MGAT5B: variants seen among roughly 807,000 people sequenced by gnomAD.
MGAT5B encodes N-acetylglucosaminyl-transferase Vb.
Under a neutral mutation model 95.1 loss-of-function variants are expected in MGAT5B, and 54 were observed. That is an observed-to-expected ratio of 0.57 (90% CI 0.46 to 0.71). The LOEUF is 0.71. Ranked by LOEUF, MGAT5B falls within the 30% of genes least tolerant of loss-of-function variation. The probability of loss-of-function intolerance (pLI) is 0.00; values close to 1 mark genes in which losing one functional copy is unlikely to be tolerated. For synonymous variants in MGAT5B, 464 were observed against 451.0 expected (o/e 1.03, Z -0.36); for missense variants, 935 against 1,088.6 (o/e 0.86, Z 1.99).
At chr17:76,903,555 G>A (rs895266100) in intron 5 of MGAT5B, among the ~76,000 whole-genome samples, 179 bp downstream of exon 5, 1 of 152,170 alleles carries the variant, frequency 6.6e-6, no homozygotes, top group Admixed American at 6.5e-5. Flanking sequence ...TCAGGTGTCG[G>A]TGCTTTCTCA....
At chr17:76,932,848 T>G in intron 11 of MGAT5B, 73 bp downstream of exon 11, 1 of 1,569,476 alleles carries the variant, frequency 6.4e-7, no homozygotes, top group Non-Finnish European at 8.6e-7. Context: ...CCGCATCTCC[T>G]CCTTCCAGGA....
rs1206998437 is a variant in MGAT5B at position 76,912,934 on chromosome 17, A to G, written c.1025+6747A>G. 6.6e-6 allele frequency among the ~76,000 whole-genome samples: 1 copy of G among 152,206 alleles called. No individual in the cohort carries two copies. Among genetic ancestry groups the G allele is most frequent in the Non-Finnish European group, 1.5e-5 (1 of 68,036 alleles). On this transcript the variant is annotated intron_variant, in intron 8 of 17. Coordinates refer to ENST00000569840, the MANE Select transcript of MGAT5B (RefSeq NM_001199172.2). This position sits in a 1 kb window ranked among gnomAD's most constrained non-coding sequence, Gnocchi z 5.0. ...GCCTTTCCCTTCCTGCTTTCCTAGC[A>G]TCAGCTGTGCTCATCAATTTTATTT...
chr17:76,932,560 C>A, intron 10 of MGAT5B, 85 bp from the exon 11 acceptor site: 1 of 1,567,196 alleles, frequency 6.4e-7, no homozygotes, highest in Non-Finnish European at 8.7e-7. Flanking sequence ...CAAAAGAGGA[C>A]CTCTTGGGCG....
intron 3 of MGAT5B, among the ~76,000 whole-genome samples, chr17:76,892,916 C>T (rs679148): frequency 0.47 from 71,328 of 151,988 alleles, 21,409 homozygotes; most frequent in African/African-American, 0.82. Flanking sequence ...GCACAGACTC[C>T]TGGGGGTGGC....
rs1252126866 is a variant in MGAT5B at position 76,915,808 on chromosome 17, C to T, written c.1026-9158C>T. ...CCTCTCCTGTCTCCTTTTTCCTTCC[C>T]CTTCCTTCAGTTTCAAGGAGGCATT... On this transcript the variant is annotated intron_variant, in intron 8 of 17. Transcript: ENST00000569840. This position sits in a 1 kb window ranked among gnomAD's most constrained non-coding sequence, Gnocchi z 8.7. 2.0e-5 allele frequency among the ~76,000 whole-genome samples: 3 copies of T among 152,170 alleles called. No individual in the cohort carries two copies. The highest frequency in any genetic ancestry group is 7.2e-5 in the African/African-American group (3 of 41,436).
intron 3 of MGAT5B, among the ~76,000 whole-genome samples, chr17:76,886,006 C>T (rs140359484): frequency 7.9e-5 from 12 of 152,336 alleles, no homozygotes; most frequent in South Asian, 2.1e-4. Flanking sequence ...TCTGGGCTGC[C>T]GCCTTCCACT....
At position 76,902,538 on chromosome 17, in the gene MGAT5B, T is replaced by C; in HGVS notation, c.330-17T>C. 6.4e-7 allele frequency: 1 copy of C among 1,560,150 alleles called. No individual in the cohort carries two copies. Among genetic ancestry groups the C allele is most frequent in the Non-Finnish European group, 8.7e-7 (1 of 1,149,088 alleles). On this transcript the variant is annotated splice_polypyrimidine_tract_variant and intron_variant, in intron 3 of 17. Transcript: ENST00000569840. ...CCCGGCCGGTTCTGTGGCTCACCTC[T>C]GGCTTTTCCCACTTAGGATGCCCCC...
rs1491549107 is a variant in MGAT5B at position 76,887,560 on chromosome 17, T to TTTTC, written c.329+5265_329+5266insCTTT. Among the ~76,000 whole-genome samples the TTTTC allele has an allele frequency of 2.4e-4, 11 of 46,796 alleles. No individual in the cohort carries two copies. The East Asian group carries it at 7.6e-3, about 32-fold the overall frequency. The allele number at this position is 46,796 out of a possible 152,430, so 30.7% of individuals were successfully genotyped here. ...CTTCCTTCCTTTCTTTTTTCTTTTC[T>TTTTC]TTTTTTTTTTTTTAACAGAATCTTG... On this transcript the variant is annotated intron_variant, in intron 3 of 17. Transcript: ENST00000569840.
At chr17:76,875,130 T>C (rs765735827) in intron 2 of MGAT5B, among the ~76,000 whole-genome samples, 191 of 152,368 alleles carry the variant, frequency 1.3e-3, no homozygotes, top group Non-Finnish European at 2.2e-3. Context: ...ACTTGACTTC[T>C]GATCACATAG....
intron 3 of MGAT5B, among the ~76,000 whole-genome samples, chr17:76,894,305 G>A (rs1475083195): frequency 6.6e-6 from 1 of 152,202 alleles, no homozygotes; most frequent in Non-Finnish European, 1.5e-5. Flanking sequence ...GTGATCCTGA[G>A]CAAGTCACTC....
Position 76,915,433 on chromosome 17 carries a change from G to A in MGAT5B, c.1025+9246G>A, listed in dbSNP as rs908918818. ...GAGCATTTCCCACAAGCCAGGTGGAGGCAGCGGGAGACGCGAGGAAGTGGA... is the reference window on the plus strand; with the variant it reads ...GAGCATTTCCCACAAGCCAGGTGGAAGCAGCGGGAGACGCGAGGAAGTGGA... On this transcript the variant is annotated intron_variant, in intron 8 of 17. Transcript: ENST00000569840. The surrounding 1 kb of genome is among the most constrained non-coding windows in gnomAD (Gnocchi z 8.7). Among the ~76,000 whole-genome samples the A allele has an allele frequency of 3.3e-5, 5 of 152,152 alleles. No homozygotes were observed. The highest frequency in any genetic ancestry group is 7.3e-5 in the Non-Finnish European group (5 of 68,036).
Position 76,903,392 on chromosome 17 carries a change from G to C in MGAT5B, c.519+16G>C. The C allele has an allele frequency of 6.2e-7, 1 of 1,602,340 alleles. No individual in the cohort carries two copies. ...GAAGGTGGAGGTGAGGCCTGGGGCT[G>C]AGGGGTGGGGATGTCTACAGCTAGG... On this transcript the variant is annotated intron_variant, in intron 5 of 17. Coordinates refer to ENST00000569840, the MANE Select transcript of MGAT5B (RefSeq NM_001199172.2).
At chr17:76,921,123 G>A (rs1475705604) in intron 8 of MGAT5B, among the ~76,000 whole-genome samples, 1 of 152,194 alleles carries the variant, frequency 6.6e-6, no homozygotes, top group African/African-American at 2.4e-5. Flanking sequence ...TTTGAGTTAA[G>A]CACGTGGAGG....
chr17:76,949,042 G>A lies in MGAT5B; in HGVS notation c.*204G>A. On this transcript the variant is annotated 3_prime_UTR_variant, in exon 18 of 18. Coordinates refer to ENST00000569840, the MANE Select transcript of MGAT5B (RefSeq NM_001199172.2). ...CATGCCGAGCCCCTGGGACCTCCCAGGCAGGCTCCGGTTCTCTCCTGGGGA... is the reference window on the plus strand; with the variant it reads ...CATGCCGAGCCCCTGGGACCTCCCAAGCAGGCTCCGGTTCTCTCCTGGGGA... 6.4e-6 allele frequency: 4 copies of A among 626,104 alleles called. No homozygotes were observed. In the South Asian group the frequency reaches 7.9e-5, roughly 12 times the overall value. The allele number at this position is 626,104 out of a possible 1,614,324, so 38.8% of individuals were successfully genotyped here.
rs561037909 is a variant in MGAT5B at position 76,898,655 on chromosome 17, G to A, written c.330-3900G>A. Among the ~76,000 whole-genome samples, 38 of 152,186 alleles carry A rather than the reference G, an allele frequency of 2.5e-4. No homozygotes were observed. In the South Asian group the frequency reaches 7.3e-3, roughly 29 times the overall value. Reference sequence around the variant, plus strand: ...GCTCAACATTCTGACTCTGAGATTCGTCTATGTCATTGCACATAGCAGTAG... The same window carrying A: ...GCTCAACATTCTGACTCTGAGATTCATCTATGTCATTGCACATAGCAGTAG... On this transcript the variant is annotated intron_variant, in intron 3 of 17. Transcript: ENST00000569840.
At position 76,914,644 on chromosome 17, in the gene MGAT5B, C is replaced by CTTTTTTTTTT. The variant is rs55850824; in HGVS notation, c.1025+8461_1025+8470dup. Among the ~76,000 whole-genome samples, 2,893 of 145,844 alleles carry CTTTTTTTTTT rather than the reference C, an allele frequency of 0.02. 113 individuals are homozygous for CTTTTTTTTTT. Among genetic ancestry groups the CTTTTTTTTTT allele is most frequent in the African/African-American group, 0.067 (2,619 of 38,998 alleles). On this transcript the variant is annotated intron_variant, in intron 8 of 17. Coordinates refer to ENST00000569840, the MANE Select transcript of MGAT5B (RefSeq NM_001199172.2). This position sits in a 1 kb window ranked among gnomAD's most constrained non-coding sequence, Gnocchi z 5.1. ...CTCTGTGTCCACATTTCTTCTTCCTCTTTTTTTTTTTTTGAGACAGAGTCT... is the reference window on the plus strand; with the variant it reads ...CTCTGTGTCCACATTTCTTCTTCCTCTTTTTTTTTTTTTTTTTTTTTTTGAGACAGAGTCT...
rs144796705 is a variant in MGAT5B, at chr17:76,886,976, G to A, written c.329+4678G>A. ...GGAGAATCGCTTGAAGCTGAGAGGCGGAGGCTGCACTGAGCTGAGATCGCA... is the reference window on the plus strand; with the variant it reads ...GGAGAATCGCTTGAAGCTGAGAGGCAGAGGCTGCACTGAGCTGAGATCGCA... On this transcript the variant is annotated intron_variant, in intron 3 of 17. Coordinates refer to ENST00000569840, the MANE Select transcript of MGAT5B (RefSeq NM_001199172.2). Among the ~76,000 whole-genome samples, 421 of 152,264 alleles carry A rather than the reference G, an allele frequency of 2.8e-3. 3 individuals are homozygous for A. The highest frequency in any genetic ancestry group is 5.6e-3 in the South Asian group (27 of 4,826).
intron 2 of MGAT5B, among the ~76,000 whole-genome samples, chr17:76,875,459 C>A (rs1390479099): frequency 6.6e-6 from 1 of 152,096 alleles, no homozygotes; most frequent in Non-Finnish European, 1.5e-5. Flanking sequence ...TGTAAGTTTC[C>A]TGAGGCCTCC....
At chr17:76,879,420 G>T (rs1019802327) in intron 2 of MGAT5B, among the ~76,000 whole-genome samples, 1 of 152,226 alleles carries the variant, frequency 6.6e-6, no homozygotes, top group African/African-American at 2.4e-5. Flanking sequence ...CACCGCTATG[G>T]TGTCCCAGCT....
Sources: allele counts gnomAD v4.1 joint callset (sites outside exome capture counted in the v4.1 genomes callset), GRCh38; gene constraint gnomAD v4.1.1; non-coding constraint Gnocchi (gnomAD v3.1); transcripts MANE v1.5; gene names NCBI Gene and HGNC (gene_info 2026-07-23, HGNC 2026-07-21).